The following ADAMTSL1 variants were observed in gnomAD, a reference collection of about 807,000 sequenced individuals.
ADAMTSL1 encodes ADAMTS like 1.
Under a neutral mutation model 201.8 loss-of-function variants are expected in ADAMTSL1, and 126 were observed. That is an observed-to-expected ratio of 0.62 (90% CI 0.54 to 0.72). The LOEUF (loss-of-function observed/expected upper bound fraction) is 0.72, where lower values mean the gene tolerates loss of function less well. ADAMTSL1 is among the 30% of genes least tolerant of loss of function. ADAMTSL1 has a pLI of 0.00. For missense variants in ADAMTSL1, 2,679 were observed against 2,277.8 expected (o/e 1.18, Z -3.59); for synonymous variants, 1,121 against 903.4 (o/e 1.24, Z -4.32).
intron 4 of ADAMTSL1, among the ~76,000 whole-genome samples, chr9:18,583,796 C>T (rs959414827): frequency 2.0e-5 from 3 of 152,166 alleles, no homozygotes; most frequent in African/African-American, 7.2e-5. Context: ...CACTTTGGGG[C>T]TTTAAGATTT....
exon 1 of ADAMTSL1, chr9:17,906,833 A>G (rs376816845): frequency 8.6e-5 from 13 of 151,724 alleles, no homozygotes; most frequent in Admixed American, 2.0e-4. Flanking sequence ...CGCCATGGGG[A>G]CCATGGCACG....
chr9:18,368,319 T>G (rs995669629), intron 2 of ADAMTSL1, among the ~76,000 whole-genome samples: 1 of 152,204 alleles, frequency 6.6e-6, no homozygotes, highest in African/African-American at 2.4e-5. Flanking sequence ...GAGCACATGT[T>G]AAAACACACT....
chr9:17,924,608 A>T (rs1450048295), intron 1 of ADAMTSL1, among the ~76,000 whole-genome samples: 1 of 149,254 alleles, frequency 6.7e-6, no homozygotes, highest in Non-Finnish European at 1.5e-5. Flanking sequence ...TGGGGAAAGG[A>T]TTCCCTATTT....
rs961254063 is a variant in ADAMTSL1 at position 18,372,959 on chromosome 9, C to T, written c.208-131870C>T. Among the ~76,000 whole-genome samples, 6 of 152,302 alleles carry T rather than the reference C, an allele frequency of 3.9e-5. No individual in the cohort carries two copies. In the South Asian group the frequency reaches 1.0e-3, roughly 26 times the overall value. On this transcript the variant is annotated intron_variant, in intron 2 of 29. Coordinates refer to the ADAMTSL1 transcript ENST00000680146. ...CTGAAGCCACACCATAAAGAAGATT[C>T]TGTCCTGGGCATATTATAACTCCTA...
chr9:17,910,759 C>T lies in ADAMTSL1; in HGVS notation c.87+3837C>T, dbSNP rs572898655. On this transcript the variant is annotated intron_variant, in intron 1 of 29. Transcript: ENST00000680146. The stretch of plus-strand genomic sequence containing the variant: ...GTTTGTCAGAGCAGCTGTTTAAAGT[C>T]TTCACTTGGTTTTAATCATATAGGC... Among the ~76,000 whole-genome samples, 2 of 68,764 alleles carry T rather than the reference C, an allele frequency of 2.9e-5. 1 individual carries two copies. The highest frequency in any genetic ancestry group is 8.9e-5 in the Non-Finnish European group (2 of 22,490). The allele number at this position is 68,764 out of a possible 152,430, so 45.1% of individuals were successfully genotyped here.
chr9:18,608,289 A>G (rs1244319702), intron 4 of ADAMTSL1, among the ~76,000 whole-genome samples: 2 of 152,202 alleles, frequency 1.3e-5, no homozygotes, highest in Non-Finnish European at 2.9e-5. Context: ...GTGTTTAAAA[A>G]ATTTCTGAAC....
At chr9:18,441,921 A>ATGTTG (rs1820010016) in intron 2 of ADAMTSL1, among the ~76,000 whole-genome samples, 1 of 152,368 alleles carries the variant, frequency 6.6e-6, no homozygotes, top group Middle Eastern at 3.4e-3. Context: ...GGCAAAATAT[A>ATGTTG]TGTTGTAATA....
intron 23 of ADAMTSL1, among the ~76,000 whole-genome samples, chr9:18,852,130 T>C (rs1826537047): frequency 6.6e-6 from 1 of 152,290 alleles, no homozygotes; most frequent in Non-Finnish European, 1.5e-5. Context: ...TGGGGTCCTT[T>C]ACATGCACCT....
chr9:18,254,010 C>T (rs902511786), intron 2 of ADAMTSL1, among the ~76,000 whole-genome samples: 1 of 152,172 alleles, frequency 6.6e-6, no homozygotes, highest in African/African-American at 2.4e-5. Flanking sequence ...CAACCTGCCA[C>T]TGTAGACCAG....
At position 18,194,944 on chromosome 9, in the gene ADAMTSL1, T is replaced by C. The variant is rs111776259; in HGVS notation, c.207+30963T>C. 4.5e-3 allele frequency among the ~76,000 whole-genome samples: 690 copies of C among 152,166 alleles called. 4 individuals are homozygous for C. The highest frequency in any genetic ancestry group is 8.0e-3 in the Non-Finnish European group (542 of 67,988). On this transcript the variant is annotated intron_variant, in intron 2 of 29. Coordinates refer to the ADAMTSL1 transcript ENST00000680146. ...TACATCTTTTCAGAAGTTATTAGCTTCTCCAAAAAATGGCATTGCTACCTC... is the reference window on the plus strand; with the variant it reads ...TACATCTTTTCAGAAGTTATTAGCTCCTCCAAAAAATGGCATTGCTACCTC...
intron 4 of ADAMTSL1, among the ~76,000 whole-genome samples, chr9:18,611,533 G>A (rs1162037426): frequency 6.6e-6 from 1 of 152,136 alleles, no homozygotes; most frequent in Non-Finnish European, 1.5e-5. Flanking sequence ...AAAAATTTAT[G>A]TAAGAATTTG....
At chr9:18,280,405 A>T (rs1318843378) in intron 2 of ADAMTSL1, among the ~76,000 whole-genome samples, 3 of 56,716 alleles carry the variant, frequency 5.3e-5, no homozygotes, top group African/African-American at 1.4e-4. Context: ...TTTATCTCTC[A>T]AAAAAAAAAA....
chr9:18,543,947 C>G (rs1429274781), intron 3 of ADAMTSL1, among the ~76,000 whole-genome samples: 1 of 152,140 alleles, frequency 6.6e-6, no homozygotes, highest in East Asian at 1.9e-4. Context: ...TATCCCTTCT[C>G]CTTAATGTGT....
chr9:18,421,514 A>G (rs1818947257), intron 2 of ADAMTSL1, among the ~76,000 whole-genome samples: 1 of 152,206 alleles, frequency 6.6e-6, no homozygotes, highest in African/African-American at 2.4e-5. Flanking sequence ...CAAGGATTTC[A>G]TTCCTCCATT....
intron 5 of ADAMTSL1, among the ~76,000 whole-genome samples, chr9:18,634,630 G>C (rs1355842959): frequency 2.0e-5 from 3 of 151,702 alleles, no homozygotes; most frequent in Non-Finnish European, 2.9e-5. Flanking sequence ...ATGAGGTCAG[G>C]AGTTCGAGAC....
At chr9:18,415,550 C>T (rs1053733524) in intron 2 of ADAMTSL1, among the ~76,000 whole-genome samples, 7 of 151,990 alleles carry the variant, frequency 4.6e-5, no homozygotes, top group Admixed American at 1.3e-4. Flanking sequence ...TATCAGTCAG[C>T]TGTGATACAA....
At position 18,703,011 on chromosome 9, in the gene ADAMTSL1, G is replaced by A. The variant is rs776830709; in HGVS notation, c.1575-3736G>A. ...TCCTGACCTCAGGTGATCTGCCTGC[G>A]TTGGCCTCCCAAAGTGCTGGGATCC... On this transcript the variant is annotated intron_variant, in intron 13 of 28. Transcript: ENST00000380548. 1.1e-4 allele frequency among the ~76,000 whole-genome samples: 17 copies of A among 152,180 alleles called. No homozygotes were observed. In the East Asian group the frequency reaches 1.7e-3, roughly 16 times the overall value.
chr9:18,749,577 C>A (rs1040303682), intron 15 of ADAMTSL1, among the ~76,000 whole-genome samples: 5 of 152,180 alleles, frequency 3.3e-5, no homozygotes, highest in African/African-American at 4.8e-5. Flanking sequence ...CATAGCCAAC[C>A]TTGCCCCCAG....
intron 2 of ADAMTSL1, among the ~76,000 whole-genome samples, chr9:18,434,972 A>G (rs1819660988): frequency 6.6e-6 from 1 of 152,206 alleles, no homozygotes; most frequent in Non-Finnish European, 1.5e-5. Flanking sequence ...TTTGATCACC[A>G]CTGTATCCCT....
Sources: allele counts gnomAD v4.1 joint callset (sites outside exome capture counted in the v4.1 genomes callset), GRCh38; gene constraint gnomAD v4.1.1; transcripts MANE v1.5; gene names NCBI Gene and HGNC (gene_info 2026-07-23, HGNC 2026-07-21).